Variants in ADGRB3 observed in about 807,000 individuals in gnomAD.
ADGRB3 encodes the protein adhesion G protein-coupled receptor B3.
In ADGRB3, 37 loss-of-function variants were observed where a neutral mutation model predicts 193.4. The observed-to-expected ratio is 0.19, with a 90% CI of 0.15 to 0.25. The LOEUF is 0.25. ADGRB3 is among the 10% of genes least tolerant of loss of function. The pLI is 1.00. For synonymous variants in ADGRB3, 690 were observed against 644.2 expected (o/e 1.07, Z -1.08); for missense variants, 1,637 against 1,852.9 (o/e 0.88, Z 2.14).
intron 3 of ADGRB3, among the ~76,000 whole-genome samples, chr6:68,656,931 G>C (rs956793287): frequency 6.6e-6 from 1 of 151,442 alleles, no homozygotes; most frequent in African/African-American, 2.4e-5. Flanking sequence ...TAAGATTAAT[G>C]CACAAATAAT....
intron 13 of ADGRB3, among the ~76,000 whole-genome samples, chr6:69,018,924 C>T (rs1770179153): frequency 6.6e-6 from 1 of 151,962 alleles, no homozygotes; most frequent in African/African-American, 2.4e-5. Context: ...GTTACTTTCT[C>T]ACTGATTGTC....
intron 15 of ADGRB3, among the ~76,000 whole-genome samples, chr6:69,057,650 G>A (rs1442897178): frequency 2.6e-5 from 4 of 151,878 alleles, no homozygotes; most frequent in East Asian, 1.9e-4. Flanking sequence ...AAAGGGTGTC[G>A]AATTTTGTCA....
chr6:68,983,900 A>G (rs971587653), intron 10 of ADGRB3, among the ~76,000 whole-genome samples: 1 of 152,218 alleles, frequency 6.6e-6, no homozygotes, highest in South Asian at 2.1e-4. Flanking sequence ...CTGTGACCTG[A>G]AAGATGAGAT....
At chr6:68,989,723 T>C (rs937440277) in intron 10 of ADGRB3, among the ~76,000 whole-genome samples, 1 of 152,320 alleles carries the variant, frequency 6.6e-6, no homozygotes, top group Non-Finnish European at 1.5e-5. Context: ...CTAGGTTTTA[T>C]TATTACAACT....
At chr6:68,777,917 G>A (rs1041862353) in intron 3 of ADGRB3, among the ~76,000 whole-genome samples, 10 of 151,944 alleles carry the variant, frequency 6.6e-5, no homozygotes, top group Admixed American at 5.3e-4. Flanking sequence ...ATCTTGCTAA[G>A]CAAGGAAAGC....
At chr6:69,133,467 C>T (rs1239461601) in intron 17 of ADGRB3, among the ~76,000 whole-genome samples, 1 of 151,920 alleles carries the variant, frequency 6.6e-6, no homozygotes, top group East Asian at 1.9e-4. Context: ...GACATTGAGG[C>T]AGTAATTAAT....
chr6:69,284,812 AG>A (rs1233557243), intron 20 of ADGRB3, among the ~76,000 whole-genome samples: 4 of 152,022 alleles, frequency 2.6e-5, no homozygotes, highest in African/African-American at 9.7e-5. Context: ...AAAAACTTTG[AG>A]GGAACAAAAA....
intron 20 of ADGRB3, among the ~76,000 whole-genome samples, chr6:69,300,474 A>G (rs1397801063): frequency 6.6e-6 from 1 of 150,890 alleles, no homozygotes; most frequent in Non-Finnish European, 1.5e-5. Context: ...AAGAGCAATC[A>G]AAAAAGGGAA....
At chr6:69,233,126 GA>G in intron 17 of ADGRB3, 163 bp from the exon 18 acceptor site, 1 of 977,006 alleles carries the variant, frequency 1.0e-6, no homozygotes. Context: ...TGCATTACTG[GA>G]GATGCATCTA....
intron 20 of ADGRB3, among the ~76,000 whole-genome samples, chr6:69,290,105 T>A (rs1432977675): frequency 6.6e-6 from 1 of 152,046 alleles, no homozygotes; most frequent in Non-Finnish European, 1.5e-5. Flanking sequence ...CTCAGAGGAT[T>A]AATTGTGAGG....
At chr6:68,941,129 A>G (rs1013569841) in intron 5 of ADGRB3, among the ~76,000 whole-genome samples, 9 of 152,190 alleles carry the variant, frequency 5.9e-5, no homozygotes, top group African/African-American at 2.2e-4. Flanking sequence ...TTTTATTAGG[A>G]TCATTTTAAA....
At chr6:69,358,301 G>C (rs72915029) in intron 28 of ADGRB3, among the ~76,000 whole-genome samples, 3,153 of 151,960 alleles carry the variant, frequency 0.021, 51 homozygotes, top group Non-Finnish European at 0.03. Context: ...ATAGGAACTA[G>C]TTATAAGCCA....
At chr6:69,216,963 G>C (rs138375789) in intron 17 of ADGRB3, among the ~76,000 whole-genome samples, 11 of 152,296 alleles carry the variant, frequency 7.2e-5, no homozygotes, top group Admixed American at 1.3e-4. Context: ...CCTGTAACCT[G>C]TCTTGTCCAG....
rs537969960 is a variant in ADGRB3 at position 68,711,221 on chromosome 6, C to A, written c.757+71789C>A. ...TTCTTTTCTCCTACCAAGAGCGTGA[C>A]CTGCTTGATTTTTCTCTTCTCTCTT... is the stretch of plus-strand genomic sequence containing the variant. On this transcript the variant is annotated intron_variant, in intron 3 of 31. Transcript: ENST00000370598. Among the ~76,000 whole-genome samples, 20 of 152,096 alleles carry A rather than the reference C, an allele frequency of 1.3e-4. No individual in the cohort carries two copies. The East Asian group carries it at 3.5e-3, about 27-fold the overall frequency.
chr6:68,707,802 A>G (rs960667425), intron 3 of ADGRB3, among the ~76,000 whole-genome samples: 1 of 152,174 alleles, frequency 6.6e-6, no homozygotes, highest in African/African-American at 2.4e-5. Flanking sequence ...CCTTTATTAG[A>G]AAACCAGTCT....
At chr6:69,128,992 G>A (rs1222109452) in intron 17 of ADGRB3, among the ~76,000 whole-genome samples, 1 of 152,146 alleles carries the variant, frequency 6.6e-6, no homozygotes, top group Non-Finnish European at 1.5e-5. Context: ...CTTTCCCCAT[G>A]TGGTACGCAT....
At chr6:68,741,351 C>T (rs1008370422) in intron 3 of ADGRB3, among the ~76,000 whole-genome samples, 12 of 152,082 alleles carry the variant, frequency 7.9e-5, no homozygotes, top group African/African-American at 2.9e-4. Context: ...TATTTGAATA[C>T]AAGCAGTCTG....
intron 15 of ADGRB3, among the ~76,000 whole-genome samples, chr6:69,050,155 G>T (rs1240495056): frequency 6.6e-6 from 1 of 152,142 alleles, no homozygotes; most frequent in African/African-American, 2.4e-5. Context: ...GAATATAAAT[G>T]ATGTGTGCAG....
At chr6:69,187,981 A>T (rs1561946461) in intron 17 of ADGRB3, among the ~76,000 whole-genome samples, 2 of 152,194 alleles carry the variant, frequency 1.3e-5, no homozygotes, top group East Asian at 3.9e-4. Flanking sequence ...TGTCCAAGTG[A>T]TGACTAAACA....
Sources: gnomAD v4.1 joint callset for allele counts (sites outside exome capture counted in the v4.1 genomes callset) on GRCh38, gnomAD v4.1.1 for gene constraint, MANE v1.5 for transcripts, NCBI Gene and HGNC (gene_info 2026-07-23, HGNC 2026-07-21) for gene names.